The following KDM4C variants were observed in gnomAD, a reference collection of about 807,000 sequenced individuals.
KDM4C encodes the protein lysine-specific demethylase 4C.
A neutral mutation model predicts 129.3 loss-of-function variants in KDM4C; 81 were observed. The observed-to-expected ratio is 0.63, with a 90% CI of 0.52 to 0.75. KDM4C has a LOEUF of 0.75. KDM4C is among the 30% of genes least tolerant of loss of function. The pLI, the probability that KDM4C is intolerant of heterozygous loss-of-function variation, is 0.00. For synonymous variants in KDM4C, 573 were observed against 456.1 expected, an observed-to-expected ratio of 1.26 and a Z score of -3.26; for missense variants, 1,457 against 1,304.0, an observed-to-expected ratio of 1.12 and a Z score of -1.81.
intron 7 of KDM4C, among the ~76,000 whole-genome samples, chr9:6,890,874 A>G (rs918767557): frequency 1.3e-5 from 2 of 152,210 alleles, no homozygotes; most frequent in Non-Finnish European, 2.9e-5. Context: ...CTATGTTCTC[A>G]CGTGGCTCAG....
At chr9:6,746,492 C>A (rs1189742165) in intron 1 of KDM4C, among the ~76,000 whole-genome samples, 3 of 148,732 alleles carry the variant, frequency 2.0e-5, no homozygotes, top group Non-Finnish European at 4.5e-5. Flanking sequence ...TGGTCTGGAT[C>A]TCCTGACCTC....
chr9:6,802,592 G>C (rs1036238104), intron 2 of KDM4C, among the ~76,000 whole-genome samples: 1 of 152,050 alleles, frequency 6.6e-6, no homozygotes, highest in African/African-American at 2.4e-5. Context: ...GAAAATCAAA[G>C]AACTTCAGCT....
intron 12 of KDM4C, among the ~76,000 whole-genome samples, chr9:6,997,833 G>C (rs926713807): frequency 4.5e-4 from 68 of 152,208 alleles, no homozygotes; most frequent in Non-Finnish European, 8.8e-5. Flanking sequence ...GTTGAAGGCT[G>C]CTTTTCCAAA....
chr9:7,013,608 G>C (rs1586911367), intron 13 of KDM4C, among the ~76,000 whole-genome samples, 180 bp from the exon 14 acceptor site: 1 of 152,122 alleles, frequency 6.6e-6, no homozygotes, highest in Admixed American at 6.6e-5. Context: ...ATTAACATTT[G>C]GGTGGGAGTC....
intron 8 of KDM4C, among the ~76,000 whole-genome samples, chr9:6,964,977 G>T (rs1044747113): frequency 6.6e-5 from 10 of 151,364 alleles, no homozygotes; most frequent in Admixed American, 6.6e-4. Context: ...CAAAGTGAAC[G>T]TATGCCTAGA....
chr9:7,092,350 A>G lies in KDM4C; in HGVS notation c.2425-11335A>G, dbSNP rs556793617. Among the ~76,000 whole-genome samples the G allele has an allele frequency of 2.0e-5, 3 of 152,198 alleles. No homozygotes were observed. The South Asian group carries it at 6.2e-4, about 32-fold the overall frequency. On this transcript the variant is annotated intron_variant, in intron 17 of 21. Coordinates refer to ENST00000381309, the MANE Select transcript of KDM4C (RefSeq NM_015061.6). ...TACTCTGCCAGGTGGGGGTAAGGGT[A>G]TTGAGTTAGCCTGAAAATCTGCTTT...
At position 6,792,973 on chromosome 9, in the gene KDM4C, C is replaced by T; in HGVS notation, c.-16C>T. On this transcript the variant is annotated splice_region_variant and 5_prime_UTR_variant, in exon 2 of 22. Transcript: ENST00000381309. Reference sequence around the variant, plus strand: ...TTGACCCTACTGTCTTCTCTCCAGACACTGCCCTAACCATCATGGAGGTGG... The same window carrying T: ...TTGACCCTACTGTCTTCTCTCCAGATACTGCCCTAACCATCATGGAGGTGG... 3.1e-6 allele frequency: 5 copies of T among 1,614,014 alleles called. No homozygotes were observed. The highest frequency in any genetic ancestry group is 4.2e-6 in the Non-Finnish European group (5 of 1,179,946).
At chr9:6,742,821 G>C (rs1188437850) in intron 1 of KDM4C, among the ~76,000 whole-genome samples, 1 of 151,840 alleles carries the variant, frequency 6.6e-6, no homozygotes, top group Non-Finnish European at 1.5e-5. Flanking sequence ...GGAGTTTGAC[G>C]CAGAAAATGG....
At chr9:7,136,501 G>C (rs1221715744) in intron 19 of KDM4C, among the ~76,000 whole-genome samples, 6 of 152,200 alleles carry the variant, frequency 3.9e-5, no homozygotes, top group Non-Finnish European at 8.8e-5. Context: ...TGTGTTGTCA[G>C]TCTTTTGGAC....
intron 1 of KDM4C, among the ~76,000 whole-genome samples, chr9:6,792,355 TA>T (rs1826831329): frequency 9.8e-6 from 1 of 101,786 alleles, no homozygotes; most frequent in Non-Finnish European, 2.1e-5. Context: ...AAAAAATTTT[TA>T]TTTATTTTTT....
intron 15 of KDM4C, among the ~76,000 whole-genome samples, chr9:7,045,795 T>C (rs1243868363): frequency 6.6e-6 from 1 of 152,042 alleles, no homozygotes; most frequent in Non-Finnish European, 1.5e-5. Flanking sequence ...CTAACAAAAG[T>C]TATACAGATA....
intron 18 of KDM4C, among the ~76,000 whole-genome samples, chr9:7,105,890 G>A (rs1837630300): frequency 6.6e-6 from 1 of 152,182 alleles, no homozygotes. Context: ...AGTTTGAGGT[G>A]ATTTAGAAAC....
intron 12 of KDM4C, among the ~76,000 whole-genome samples, chr9:6,993,048 C>T (rs747148768): frequency 1.3e-5 from 2 of 152,102 alleles, no homozygotes; most frequent in Non-Finnish European, 2.9e-5. Context: ...ACCTGAAACA[C>T]CATAGATCAT....
chr9:6,851,550 C>G (rs1412502481), intron 5 of KDM4C, among the ~76,000 whole-genome samples: 1 of 152,022 alleles, frequency 6.6e-6, no homozygotes, highest in Non-Finnish European at 1.5e-5. Flanking sequence ...TTAATAAAAT[C>G]TAGTATGTAG....
intron 4 of KDM4C, chr9:6,834,593 A>T: frequency 1.4e-6 from 1 of 738,694 alleles, no homozygotes; most frequent in Non-Finnish European, 2.5e-6. Context: ...GATGGTGGGC[A>T]TGGGTCGGAA....
chr9:6,811,754 T>A (rs1831191906), intron 3 of KDM4C, among the ~76,000 whole-genome samples: 1 of 152,132 alleles, frequency 6.6e-6, no homozygotes, highest in African/African-American at 2.4e-5. Flanking sequence ...CAGCCCCGTG[T>A]CTAGGGTTTT....
chr9:6,995,817 G>A (rs375954907), intron 12 of KDM4C, among the ~76,000 whole-genome samples: 40 of 152,070 alleles, frequency 2.6e-4, no homozygotes, highest in Admixed American at 1.5e-3. Context: ...GACTACAGGC[G>A]CCTGCCACCA....
intron 5 of KDM4C, among the ~76,000 whole-genome samples, chr9:6,875,154 A>G (rs1414512577): frequency 1.3e-5 from 2 of 152,042 alleles, no homozygotes; most frequent in South Asian, 2.1e-4. Flanking sequence ...CAGGACTTCC[A>G]TCTTGGAGGA....
chr9:6,958,915 T>C (rs1425197254), intron 8 of KDM4C, among the ~76,000 whole-genome samples: 2 of 152,164 alleles, frequency 1.3e-5, no homozygotes, highest in African/African-American at 4.8e-5. Context: ...CCCGAAGTGT[T>C]GGGATTACAG....
Sources: gnomAD v4.1 joint callset for allele counts (sites outside exome capture counted in the v4.1 genomes callset) on GRCh38, gnomAD v4.1.1 for gene constraint, MANE v1.5 for transcripts, NCBI Gene and HGNC (gene_info 2026-07-23, HGNC 2026-07-21) for gene names.